Variants in DNAH8 observed in about 807,000 individuals in gnomAD.
The protein encoded by DNAH8 is axonemal beta dynein heavy chain 8.
DNAH8 carries 382 observed loss-of-function variants against 562.1 expected under a neutral mutation model. That is an observed-to-expected ratio of 0.68 (90% CI 0.63 to 0.74). The LOEUF (loss-of-function observed/expected upper bound fraction) is 0.74. DNAH8 is among the 30% of genes least tolerant of loss of function. The pLI, the probability that DNAH8 is intolerant of heterozygous loss-of-function variation, is 0.00. For synonymous variants in DNAH8, 1,881 were observed against 1,919.4 expected (o/e 0.98, Z 0.52); for missense variants, 5,203 against 5,620.4 (o/e 0.93, Z 2.37).
chr6:38,715,617 A>T (rs557033733), intron 1 of DNAH8, among the ~76,000 whole-genome samples: 1 of 152,114 alleles, frequency 6.6e-6, no homozygotes, highest in Non-Finnish European at 1.5e-5. Context: ...CAGTCTCTAC[A>T]CTGGACATCT....
At chr6:38,995,377 GC>G (rs993631271) in intron 88 of DNAH8, among the ~76,000 whole-genome samples, 60 of 152,174 alleles carry the variant, frequency 3.9e-4, no homozygotes, top group African/African-American at 1.4e-3. Flanking sequence ...GTTTTTTGTG[GC>G]ATCTTTATCA....
chr6:38,842,668 G>A lies in DNAH8; in HGVS notation c.4610G>A (p.Arg1537His), dbSNP rs375507271. ...TTTCTCTTTCTTTCTGAAAGATGTCGTAAACTTCCAAAAGGACTTAAAGAT... is the reference window on the plus strand; with the variant it reads ...TTTCTCTTTCTTTCTGAAAGATGTCATAAACTTCCAAAAGGACTTAAAGAT... Reference protein sequence around the residue: ...AELLEFQNRCRKLPKGLKDWQ... With the variant: ...AELLEFQNRCHKLPKGLKDWQ... Residue 1537 changes from arginine to histidine, a missense_variant, in exon 35 of 93, where the codon CGT becomes CAT. Physicochemically the swap from Arg to His is conservative, Grantham distance 29. Around this residue, in one of 6 missense-constraint regions of DNAH8, gnomAD observed 2,176 missense variants for 2,365.1 expected, o/e 0.92. Transcript: ENST00000327475. 1.3e-4 allele frequency: 211 copies of A among 1,609,354 alleles called. No homozygotes were observed. The highest frequency in any genetic ancestry group is 1.7e-4 in the Admixed American group (10 of 59,256).
chr6:38,959,964 C>T (rs1762501913), intron 82 of DNAH8, among the ~76,000 whole-genome samples: 1 of 152,046 alleles, frequency 6.6e-6, no homozygotes, highest in Admixed American at 6.6e-5. Flanking sequence ...TAAACCCATG[C>T]ATTTACAACC....
chr6:38,814,861 G>A (rs1165770517), intron 25 of DNAH8, among the ~76,000 whole-genome samples: 1 of 152,116 alleles, frequency 6.6e-6, no homozygotes, highest in Admixed American at 6.6e-5. Flanking sequence ...TCTTCCCATG[G>A]CACTTATCTT....
At chr6:38,757,295 A>G (rs914311375) in intron 10 of DNAH8, among the ~76,000 whole-genome samples, 5 of 152,216 alleles carry the variant, frequency 3.3e-5, no homozygotes, top group South Asian at 2.1e-4. Context: ...TTTTTCATGT[A>G]TCTTTTGGCT....
chr6:38,857,737 G>C lies in DNAH8; in HGVS notation c.5953G>C (p.Asp1985His), dbSNP rs780373668. The change falls in exon 42 of 93, where the codon GAC becomes CAC. Residue 1985 changes from aspartate to histidine, a missense_variant. Transcript: ENST00000327475. ...TGTGCATCAGAGAGATATTTTTGAT[G>C]ACTTGGTAAGGTATCTTTTTTTTTA... ...IHVHQRDIFD[D>H]LVKMHIKSPT... The C allele has an allele frequency of 6.3e-7, 1 of 1,598,374 alleles. No homozygotes were observed. Among genetic ancestry groups the C allele is most frequent in the South Asian group, 1.1e-5 (1 of 89,292 alleles).
intron 85 of DNAH8, 37 bp downstream of exon 85, chr6:38,974,566 G>A (rs1346760475): frequency 8.8e-6 from 14 of 1,587,076 alleles, no homozygotes; most frequent in Admixed American, 1.7e-5. Flanking sequence ...TTAGGAGATG[G>A]CCAGTGGTGT....
intron 85 of DNAH8, among the ~76,000 whole-genome samples, chr6:38,981,293 A>G (rs951690505): frequency 6.6e-6 from 1 of 152,174 alleles, no homozygotes; most frequent in African/African-American, 2.4e-5. Context: ...ATCTGGACTC[A>G]TCTATGTGGG....
intron 37 of DNAH8, among the ~76,000 whole-genome samples, chr6:38,849,946 T>C (rs1336402529): frequency 6.6e-6 from 1 of 152,146 alleles, no homozygotes; most frequent in Non-Finnish European, 1.5e-5. Context: ...AACACTAGAT[T>C]GGAACTTTAA....
chr6:38,930,720 A>G (rs1299600414), intron 75 of DNAH8, among the ~76,000 whole-genome samples: 4 of 152,152 alleles, frequency 2.6e-5, no homozygotes, highest in Admixed American at 1.3e-4. Context: ...AAAAGGTTTA[A>G]TCCACAGGTA....
intron 88 of DNAH8, among the ~76,000 whole-genome samples, chr6:39,002,521 G>A (rs567434500): frequency 6.2e-4 from 95 of 152,106 alleles, no homozygotes; most frequent in African/African-American, 2.1e-3. Context: ...TCAAAATGTC[G>A]GAATGGGTCT....
chr6:38,840,217 A>C (rs1325789959), intron 33 of DNAH8, among the ~76,000 whole-genome samples: 1 of 152,228 alleles, frequency 6.6e-6, no homozygotes, highest in African/African-American at 2.4e-5. Context: ...TGCATTGTCA[A>C]GACTCAAAGC....
chr6:38,930,608 T>A (rs112032095), intron 75 of DNAH8, among the ~76,000 whole-genome samples: 1,904 of 152,214 alleles, frequency 0.013, 29 homozygotes, highest in South Asian at 0.04. Context: ...TCTATAAGAT[T>A]AGAGGGTAGA....
chr6:38,752,116 C>T (rs796978802), intron 9 of DNAH8, among the ~76,000 whole-genome samples: 19 of 151,386 alleles, frequency 1.3e-4, no homozygotes, highest in African/African-American at 4.2e-4. Context: ...TACTATGTTG[C>T]TTCTTCAAGG....
At chr6:38,748,047 A>G (rs1210387805) in intron 8 of DNAH8, among the ~76,000 whole-genome samples, 2 of 152,184 alleles carry the variant, frequency 1.3e-5, no homozygotes, top group Non-Finnish European at 2.9e-5. Context: ...CAGAATCGAC[A>G]TTTGGATTGT....
chr6:38,828,274 T>C lies in DNAH8; in HGVS notation c.4174T>C (p.Leu1392=), dbSNP rs781071248. ...TACCTTAAGATATTCTTTCAACAAA[T>C]TGCAGAGCAAAGCTGTAAGTATGAA... ...VDTLRYSFNK[L]QSKAVSVQED... Residue 1392 remains leucine, a synonymous_variant, in exon 30 of 93, where the codon TTG becomes CTG. Transcript: ENST00000327475. The C allele has an allele frequency of 6.4e-7, 1 of 1,569,790 alleles. No individual in the cohort carries two copies. The highest frequency in any genetic ancestry group is 2.3e-5 in the East Asian group (1 of 43,522).
rs917064116 is a variant in DNAH8 at position 39,023,022 on chromosome 6, A to G, written c.13715-3524A>G. Among the ~76,000 whole-genome samples the G allele has an allele frequency of 6.6e-5, 10 of 152,298 alleles. No homozygotes were observed. The East Asian group carries it at 1.9e-3, about 29-fold the overall frequency. On this transcript the variant is annotated intron_variant, in intron 91 of 92. Transcript: ENST00000327475. ...TAGACCACATGTAACTCAGATGTTT[A>G]AATAATCAAATCACCTGTTTTCATG...
At chr6:38,882,886 G>A in intron 53 of DNAH8, 24 bp from the exon 54 acceptor site, 2 of 1,486,616 alleles carry the variant, frequency 1.3e-6, no homozygotes, top group African/African-American at 1.4e-5. Flanking sequence ...GTTCTATTAA[G>A]ATGAAATTTT....
At position 38,874,068 on chromosome 6, in the gene DNAH8, T is replaced by TTCTTTTTCTTTCTTTCTTTCTTTC. The variant is rs377254876; in HGVS notation, c.7620+693_7620+694insCTTTTTCTTTCTTTCTTTCTTTCT. Among the ~76,000 whole-genome samples, 271 of 57,076 alleles carry TTCTTTTTCTTTCTTTCTTTCTTTC rather than the reference T, an allele frequency of 4.7e-3. 72 individuals are homozygous for TTCTTTTTCTTTCTTTCTTTCTTTC. Among genetic ancestry groups the TTCTTTTTCTTTCTTTCTTTCTTTC allele is most frequent in the Non-Finnish European group, 7.9e-3 (226 of 28,482 alleles). 37.4% of individuals were successfully genotyped at this position (57,076 alleles called of 152,430 possible). Reference sequence around the variant, plus strand: ...TTTCTTTCTTTCTTTCTTTCTTTCTTTTTCTTTCTTTCTTTCTTTCTTTCT... The same window carrying TTCTTTTTCTTTCTTTCTTTCTTTC: ...TTTCTTTCTTTCTTTCTTTCTTTCTTTCTTTTTCTTTCTTTCTTTCTTTCTTTCTTTCTTTCTTTCTTTCTTTCT... On this transcript the variant is annotated intron_variant, in intron 52 of 92. Transcript: ENST00000327475.
Sources: gnomAD v4.1 joint callset for allele counts (sites outside exome capture counted in the v4.1 genomes callset) on GRCh38, gnomAD v4.1.1 for gene constraint, gnomAD v4.1.1 regional missense constraint, MANE v1.5 for transcripts, NCBI Gene and HGNC (gene_info 2026-07-23, HGNC 2026-07-21) for gene names.